ZDHHC17: variants seen among roughly 807,000 people sequenced by gnomAD.
ZDHHC17 encodes zDHHC palmitoyltransferase 17, also known as palmitoyltransferase ZDHHC17.
In ZDHHC17, 40 loss-of-function variants were observed where a neutral mutation model predicts 90.3. That is an observed-to-expected ratio of 0.44 (90% CI 0.34 to 0.58). The LOEUF (loss-of-function observed/expected upper bound fraction) is 0.58. Among genes scored for constraint, ZDHHC17 ranks in the 20% least tolerant of loss-of-function variants. The pLI, the probability that ZDHHC17 is intolerant of heterozygous loss-of-function variation, is 0.01. For synonymous variants in ZDHHC17, 235 were observed against 252.4 expected, an observed-to-expected ratio of 0.93 and a Z score of 0.65; for missense variants, 614 against 780.8, an observed-to-expected ratio of 0.79 and a Z score of 2.55.
At chr12:76,786,017 G>A (rs887092066) in intron 1 of ZDHHC17, among the ~76,000 whole-genome samples, 1 of 152,098 alleles carries the variant, frequency 6.6e-6, no homozygotes, top group African/African-American at 2.4e-5. Context: ...AGGAAGGGAC[G>A]GATTTATTTT....
chr12:76,831,700 G>T (rs1199668966), intron 10 of ZDHHC17, among the ~76,000 whole-genome samples: 1 of 152,150 alleles, frequency 6.6e-6, no homozygotes, highest in South Asian at 2.1e-4. Flanking sequence ...AGACTGGAGT[G>T]CAGTGGCACA....
At chr12:76,839,594 CTAGAT>C (rs1180406604) in intron 10 of ZDHHC17, among the ~76,000 whole-genome samples, 2 of 151,932 alleles carry the variant, frequency 1.3e-5, no homozygotes, top group Admixed American at 6.6e-5. Flanking sequence ...AAACATCCAA[CTAGAT>C]TAAAGAATTA....
intron 7 of ZDHHC17, among the ~76,000 whole-genome samples, chr12:76,818,982 T>C (rs952830040): frequency 2.6e-5 from 4 of 152,180 alleles, no homozygotes; most frequent in Non-Finnish European, 5.9e-5. Context: ...AGACAAGTGA[T>C]AATGTTAGCT....
At chr12:76,802,795 A>C (rs963811671) in intron 2 of ZDHHC17, among the ~76,000 whole-genome samples, 1 of 152,126 alleles carries the variant, frequency 6.6e-6, no homozygotes, top group African/African-American at 2.4e-5. Flanking sequence ...GTTTCTTTTT[A>C]GGTATTTTAT....
chr12:76,818,608 T>A (rs1421830484), intron 7 of ZDHHC17, among the ~76,000 whole-genome samples: 2 of 152,174 alleles, frequency 1.3e-5, no homozygotes, highest in African/African-American at 4.8e-5. Flanking sequence ...AGGGATCAGT[T>A]ATACAGAGAC....
chr12:76,834,231 C>G (rs1444802430), intron 10 of ZDHHC17, among the ~76,000 whole-genome samples: 1 of 152,034 alleles, frequency 6.6e-6, no homozygotes, highest in African/African-American at 2.4e-5. Context: ...TCTGACTATG[C>G]TTCTTTTATT....
intron 10 of ZDHHC17, among the ~76,000 whole-genome samples, chr12:76,831,736 T>TC (rs1313641542): frequency 6.6e-6 from 1 of 152,088 alleles, no homozygotes; most frequent in African/African-American, 2.4e-5. Context: ...TGCCTCAACC[T>TC]CCCAGGCTCA....
chr12:76,807,711 C>A (rs1168607568), intron 3 of ZDHHC17, among the ~76,000 whole-genome samples: 1 of 151,966 alleles, frequency 6.6e-6, no homozygotes, highest in Non-Finnish European at 1.5e-5. Flanking sequence ...CTGACATGGA[C>A]CTAGTGATGA....
Position 76,851,394 on chromosome 12 carries a change from A to G in ZDHHC17, c.*409A>G, listed in dbSNP as rs975152648. 1 of 182,972 alleles carries G rather than the reference A, an allele frequency of 5.5e-6. No individual in the cohort carries two copies. Among genetic ancestry groups the G allele is most frequent in the African/African-American group, 2.4e-5 (1 of 41,608 alleles). The allele number at this position is 182,972 out of a possible 1,614,324, so 11.3% of individuals were successfully genotyped here. ...AAATGTTATGATGCAGTCTAGTACGAGTATTGCATCTAATTCCAGGAGCAT... is the reference window on the plus strand; with the variant it reads ...AAATGTTATGATGCAGTCTAGTACGGGTATTGCATCTAATTCCAGGAGCAT... On this transcript the variant is annotated 3_prime_UTR_variant, in exon 17 of 17. Coordinates refer to ENST00000426126, the MANE Select transcript of ZDHHC17 (RefSeq NM_015336.4).
intron 8 of ZDHHC17, 93 bp downstream of exon 8, chr12:76,822,624 G>A (rs1953179079): frequency 1.0e-6 from 1 of 988,234 alleles, no homozygotes; most frequent in Admixed American, 2.6e-5. Flanking sequence ...GCGAGATTTT[G>A]GCTCACTGCA....
intron 10 of ZDHHC17, 66 bp downstream of exon 10, chr12:76,828,556 T>C (rs1047126675): frequency 2.0e-5 from 28 of 1,410,600 alleles, no homozygotes; most frequent in Non-Finnish European, 2.7e-5. Flanking sequence ...AGATGTTTAA[T>C]AATTTGACAT....
rs148443111 is a variant in ZDHHC17, at chr12:76,781,687, A to G, written c.94-15747A>G. 208 of 456,042 alleles carry G rather than the reference A, an allele frequency of 4.6e-4. 1 individual carries two copies. The East Asian group carries it at 0.012, about 26-fold the overall frequency. 28.2% of individuals were successfully genotyped at this position (456,042 alleles called of 1,614,324 possible). On this transcript the variant is annotated intron_variant, in intron 1 of 16. Transcript: ENST00000426126. Reference sequence around the variant, plus strand: ...GGACTACTCAGCCTTCAGAACTGTAAGAAATACTTTATTTTCTTTATAAAT... The same window carrying G: ...GGACTACTCAGCCTTCAGAACTGTAGGAAATACTTTATTTTCTTTATAAAT...
At chr12:76,791,686 T>C (rs118071278) in intron 1 of ZDHHC17, among the ~76,000 whole-genome samples, 1,680 of 152,252 alleles carry the variant, frequency 0.011, 11 homozygotes, top group Non-Finnish European at 0.017. Context: ...GGGATTAGCA[T>C]AGACGCAACA....
At chr12:76,813,405 G>A (rs1953048840) in intron 5 of ZDHHC17, 1 of 445,070 alleles carries the variant, frequency 2.2e-6, no homozygotes, top group Admixed American at 2.4e-5. Context: ...ATCCAGAAAT[G>A]GATTTGTAAT....
At chr12:76,814,433 A>C (rs1198339002) in intron 5 of ZDHHC17, among the ~76,000 whole-genome samples, 5 of 151,862 alleles carry the variant, frequency 3.3e-5, no homozygotes, top group African/African-American at 1.2e-4. Context: ...ATTACAATAG[A>C]TCTCTTGAGA....
chr12:76,820,977 A>G, intron 7 of ZDHHC17: 1 of 860,526 alleles, frequency 1.2e-6, no homozygotes, highest in South Asian at 1.4e-5. Context: ...CCAGCTGAAT[A>G]AAAGAACTAT....
At chr12:76,809,006 G>GAA in intron 3 of ZDHHC17, 37 bp from the exon 4 acceptor site, 1 of 1,314,054 alleles carries the variant, frequency 7.6e-7, no homozygotes, top group African/African-American at 1.6e-5. Context: ...AATTGAAAAT[G>GAA]AAAGTTATTT....
intron 1 of ZDHHC17, among the ~76,000 whole-genome samples, chr12:76,774,885 A>G (rs1952540779): frequency 6.6e-6 from 1 of 152,244 alleles, no homozygotes; most frequent in Admixed American, 6.5e-5. Flanking sequence ...AGTGACTGTC[A>G]GTGCCTGTGC....
chr12:76,822,905 G>A (rs1295348208), intron 8 of ZDHHC17, among the ~76,000 whole-genome samples: 1 of 151,908 alleles, frequency 6.6e-6, no homozygotes, highest in Non-Finnish European at 1.5e-5. Context: ...GGATTCTTAG[G>A]AACACTTACT....
Sources: allele counts gnomAD v4.1 joint callset (sites outside exome capture counted in the v4.1 genomes callset), GRCh38; gene constraint gnomAD v4.1.1; transcripts MANE v1.5; gene names NCBI Gene and HGNC (gene_info 2026-07-23, HGNC 2026-07-21).